PTPRD: variants seen among roughly 807,000 people sequenced by gnomAD.
The protein encoded by PTPRD is receptor-type tyrosine-protein phosphatase delta.
Under a neutral mutation model 214.5 loss-of-function variants are expected in PTPRD, and 34 were observed. The ratio of observed to expected loss-of-function variants is 0.16; its 90% confidence interval spans 0.12 to 0.21. The LOEUF (loss-of-function observed/expected upper bound fraction) is 0.21. Among genes scored for constraint, PTPRD ranks in the 10% least tolerant of loss-of-function variants. PTPRD has a pLI of 1.00. For synonymous variants in PTPRD, 1,128 were observed against 845.7 expected (o/e 1.33, Z -5.79); for missense variants, 2,545 against 2,398.7 (o/e 1.06, Z -1.27).
intron 21 of PTPRD, among the ~76,000 whole-genome samples, chr9:8,517,295 A>G (rs187483431): frequency 6.6e-5 from 10 of 152,134 alleles, no homozygotes; most frequent in African/African-American, 9.7e-5. Flanking sequence ...ATCAGGCCCA[A>G]TGTTCTATCT....
intron 4 of PTPRD, among the ~76,000 whole-genome samples, chr9:9,965,246 T>C (rs1334064429): frequency 1.3e-5 from 2 of 152,006 alleles, no homozygotes; most frequent in Non-Finnish European, 2.9e-5. Context: ...GTTGGGGTGG[T>C]TGTTAATTTT....
chr9:9,340,357 G>A (rs1414142365), intron 9 of PTPRD, among the ~76,000 whole-genome samples: 1 of 152,128 alleles, frequency 6.6e-6, no homozygotes, highest in Non-Finnish European at 1.5e-5. Flanking sequence ...CTGAAGATTT[G>A]CTTTAGAAGA....
At chr9:9,563,055 T>C (rs147138453) in intron 8 of PTPRD, among the ~76,000 whole-genome samples, 2 of 152,296 alleles carry the variant, frequency 1.3e-5, no homozygotes, top group East Asian at 1.9e-4. Context: ...CAACTGAATA[T>C]AAAATTTTAG....
intron 8 of PTPRD, among the ~76,000 whole-genome samples, chr9:9,430,144 T>C (rs1003203927): frequency 4.6e-5 from 7 of 152,216 alleles, no homozygotes; most frequent in African/African-American, 7.2e-5. Context: ...ATTGTATGTC[T>C]AGATAACCCC....
At chr9:10,170,588 G>T (rs1247386512) in intron 3 of PTPRD, among the ~76,000 whole-genome samples, 1 of 152,100 alleles carries the variant, frequency 6.6e-6, no homozygotes, top group East Asian at 1.9e-4. Flanking sequence ...TCTGGAGGCT[G>T]AGGCAGGAGA....
intron 8 of PTPRD, among the ~76,000 whole-genome samples, chr9:9,571,041 A>G (rs148266958): frequency 5.9e-5 from 9 of 151,448 alleles, no homozygotes; most frequent in African/African-American, 2.2e-4. Flanking sequence ...AAATCATGAC[A>G]TGGCTTAGAC....
intron 5 of PTPRD, among the ~76,000 whole-genome samples, chr9:9,930,055 G>A (rs777002339): frequency 2.2e-4 from 34 of 152,186 alleles, no homozygotes; most frequent in Admixed American, 1.8e-3. Flanking sequence ...CAGAGCATAA[G>A]AAGTACTATG....
In PTPRD at chr9:9,197,577, A is replaced by G. The variant is rs1294953140; in HGVS notation, c.-202-14214T>C. On this transcript the variant is annotated intron_variant, in intron 9 of 45. Transcript: ENST00000381196. ...AGGCGCGTGCCACCACACCCAGATGATTTCTGTATTTTTAGTAGAGATGGA... is the reference window on the plus strand; with the variant it reads ...AGGCGCGTGCCACCACACCCAGATGGTTTCTGTATTTTTAGTAGAGATGGA... Among the ~76,000 whole-genome samples, 4 of 151,954 alleles carry G rather than the reference A, an allele frequency of 2.6e-5. No homozygotes were observed. The East Asian group carries it at 7.7e-4, about 29-fold the overall frequency.
chr9:10,460,554 C>G (rs957425066), intron 2 of PTPRD, among the ~76,000 whole-genome samples: 3 of 151,910 alleles, frequency 2.0e-5, no homozygotes, highest in Non-Finnish European at 4.4e-5. Flanking sequence ...ATTAAAGAGC[C>G]CCAAAATAAA....
At chr9:8,440,712 C>T (rs745694957) in intron 34 of PTPRD, among the ~76,000 whole-genome samples, 21 of 152,134 alleles carry the variant, frequency 1.4e-4, no homozygotes, top group Admixed American at 3.3e-4. Flanking sequence ...ATGACAGATG[C>T]GGTCACTGAA....
chr9:9,881,520 T>C (rs2068681180), intron 5 of PTPRD, among the ~76,000 whole-genome samples: 1 of 152,096 alleles, frequency 6.6e-6, no homozygotes, highest in African/African-American at 2.4e-5. Context: ...GAAAATATCA[T>C]CCTACAAGGC....
intron 10 of PTPRD, among the ~76,000 whole-genome samples, chr9:9,181,297 GA>G (rs2099928057): frequency 6.6e-6 from 1 of 151,800 alleles, no homozygotes; most frequent in Non-Finnish European, 1.5e-5. Context: ...TATTCACTTT[GA>G]AAATACAGTT....
intron 10 of PTPRD, among the ~76,000 whole-genome samples, chr9:9,166,872 T>C (rs947339088): frequency 9.9e-5 from 15 of 152,282 alleles, no homozygotes; most frequent in Admixed American, 9.1e-4. Flanking sequence ...AGACTACCTA[T>C]AGTTATAAGA....
intron 3 of PTPRD, among the ~76,000 whole-genome samples, chr9:10,194,206 G>A (rs772152800): frequency 6.6e-6 from 1 of 151,452 alleles, no homozygotes; most frequent in Non-Finnish European, 1.5e-5. Flanking sequence ...CTTTATTCTG[G>A]ACTGTCCCTT....
intron 2 of PTPRD, among the ~76,000 whole-genome samples, chr9:10,580,261 C>G (rs372270871): frequency 9.7e-4 from 147 of 152,238 alleles, no homozygotes; most frequent in African/African-American, 3.3e-3. Context: ...TTCAGCACAT[C>G]TTAGCTAGAG....
At chr9:10,326,312 T>C (rs2096642393) in intron 3 of PTPRD, among the ~76,000 whole-genome samples, 1 of 151,814 alleles carries the variant, frequency 6.6e-6, no homozygotes, top group Non-Finnish European at 1.5e-5. Flanking sequence ...GTAATCTGAC[T>C]ATACACAGAA....
intron 38 of PTPRD, 104 bp downstream of exon 38, chr9:8,376,503 G>C (rs1589040612): frequency 6.6e-7 from 1 of 1,511,856 alleles, no homozygotes; most frequent in East Asian, 2.4e-5. Context: ...TGTTGCCATT[G>C]AGATCAAGAT....
intron 3 of PTPRD, among the ~76,000 whole-genome samples, chr9:10,045,811 T>A (rs2097378825): frequency 6.6e-6 from 1 of 151,764 alleles, no homozygotes; most frequent in South Asian, 2.1e-4. Flanking sequence ...TGCTGTTGTA[T>A]CAGAAACATT....
In PTPRD at chr9:9,635,890, G is replaced by A. The variant is rs555528327; in HGVS notation, c.-286-61109C>T. ...TCAAAGTATCACCATCCTTCACCTGGAAAAATTATTCTCTCCCAGTGTTCA... is the reference window on the plus strand; with the variant it reads ...TCAAAGTATCACCATCCTTCACCTGAAAAAATTATTCTCTCCCAGTGTTCA... On this transcript the variant is annotated intron_variant, in intron 7 of 45. Coordinates refer to ENST00000381196, the MANE Select transcript of PTPRD (RefSeq NM_002839.4). Among the ~76,000 whole-genome samples the A allele has an allele frequency of 3.9e-5, 6 of 152,060 alleles. No individual in the cohort carries two copies. In the South Asian group the frequency reaches 1.2e-3, roughly 32 times the overall value.
Sources: gnomAD v4.1 joint callset for allele counts (sites outside exome capture counted in the v4.1 genomes callset) on GRCh38, gnomAD v4.1.1 for gene constraint, MANE v1.5 for transcripts, NCBI Gene and HGNC (gene_info 2026-07-23, HGNC 2026-07-21) for gene names.